Variants in GRIK4 observed in about 807,000 individuals in gnomAD.
GRIK4 encodes glutamate ionotropic receptor kainate type subunit 4, also known as glutamate receptor ionotropic, kainate 4.
GRIK4 carries 40 observed loss-of-function variants against 104.9 expected under a neutral mutation model. That is an observed-to-expected ratio of 0.38 (90% CI 0.30 to 0.50). The LOEUF (loss-of-function observed/expected upper bound fraction) is 0.50, where lower values mean the gene tolerates loss of function less well. Ranked by LOEUF, GRIK4 falls within the 20% of genes least tolerant of loss-of-function variation. The probability of loss-of-function intolerance (pLI) is 0.93; values close to 1 mark genes in which losing one functional copy is unlikely to be tolerated. For missense variants in GRIK4, 1,047 were observed against 1,308.1 expected, an observed-to-expected ratio of 0.80 and a Z score of 3.08; for synonymous variants, 485 against 524.9, an observed-to-expected ratio of 0.92 and a Z score of 1.04.
chr11:120,805,015 C>A (rs988932683), intron 4 of GRIK4, among the ~76,000 whole-genome samples: 1 of 152,152 alleles, frequency 6.6e-6, no homozygotes, highest in Non-Finnish European at 1.5e-5. Context: ...TTTATTCATT[C>A]GGTCAGTAAG....
At chr11:120,762,737 C>T (rs978469976) in intron 3 of GRIK4, among the ~76,000 whole-genome samples, 7 of 152,030 alleles carry the variant, frequency 4.6e-5, no homozygotes, top group African/African-American at 1.4e-4. Flanking sequence ...TGTTGGATTA[C>T]GTTTATTGAT....
At chr11:120,542,093 C>G (rs1455443769) in intron 1 of GRIK4, among the ~76,000 whole-genome samples, 1 of 152,152 alleles carries the variant, frequency 6.6e-6, no homozygotes, top group South Asian at 2.1e-4. Context: ...CAATATGGTA[C>G]TGGCATAAAA....
intron 3 of GRIK4, among the ~76,000 whole-genome samples, chr11:120,785,823 C>T (rs1388061707): frequency 6.6e-6 from 1 of 152,202 alleles, no homozygotes; most frequent in Non-Finnish European, 1.5e-5. Context: ...TGCGCATCCT[C>T]CTGGTGGCTC....
At chr11:120,598,022 T>G (rs1454766437) in intron 1 of GRIK4, among the ~76,000 whole-genome samples, 3 of 152,146 alleles carry the variant, frequency 2.0e-5, no homozygotes, top group Non-Finnish European at 4.4e-5. Flanking sequence ...AAAAACTAAG[T>G]GCCTCAGCGA....
At chr11:120,945,189 C>T (rs1290695931) in intron 14 of GRIK4, among the ~76,000 whole-genome samples, 2 of 152,194 alleles carry the variant, frequency 1.3e-5, no homozygotes, top group Non-Finnish European at 2.9e-5. Context: ...GGTTCACGCT[C>T]ATCTACCTGC....
intron 1 of GRIK4, among the ~76,000 whole-genome samples, chr11:120,633,758 C>G (rs1368858561): frequency 6.6e-6 from 1 of 152,116 alleles, no homozygotes; most frequent in Non-Finnish European, 1.5e-5. Context: ...TTCTCTGTCT[C>G]CCTGCTGCTA....
At chr11:120,914,319 A>G (rs1030423941) in intron 13 of GRIK4, among the ~76,000 whole-genome samples, 32 of 152,226 alleles carry the variant, frequency 2.1e-4, no homozygotes, top group African/African-American at 7.5e-4. Flanking sequence ...AGTGCTTCCT[A>G]TGGGCCAGGC....
In GRIK4 at chr11:120,952,367, G is replaced by A. The variant is rs1352961208; in HGVS notation, c.1591-488G>A. Among the ~76,000 whole-genome samples, 1 of 152,166 alleles carries A rather than the reference G, an allele frequency of 6.6e-6. No homozygotes were observed. The highest frequency in any genetic ancestry group is 2.4e-5 in the African/African-American group (1 of 41,422). On this transcript the variant is annotated intron_variant, in intron 14 of 20. Coordinates refer to ENST00000527524, the MANE Select transcript of GRIK4 (RefSeq NM_014619.5). This position sits in a 1 kb window ranked among gnomAD's most constrained non-coding sequence, Gnocchi z 5.2. ...CCCAGGACTGTTTTGAGGTTGACGG[G>A]GGAAGGTCTCACTGTGTGAGATCAC...
Position 120,986,358 on chromosome 11 carries a change from C to G in GRIK4, c.*98C>G, listed in dbSNP as rs369678635. 9.0e-6 allele frequency: 12 copies of G among 1,336,668 alleles called. No individual in the cohort carries two copies. The East Asian group carries it at 9.2e-5, about 10-fold the overall frequency. The allele number at this position is 1,336,668 out of a possible 1,614,324, so 82.8% of individuals were successfully genotyped here. On this transcript the variant is annotated 3_prime_UTR_variant, in exon 21 of 21. Coordinates refer to ENST00000527524, the MANE Select transcript of GRIK4 (RefSeq NM_014619.5). ...CCGCCAGCCGGAACTTGTACAGCGT[C>G]GACACCTCTCCAGATTTCGGATCCA... is the stretch of plus-strand genomic sequence containing the variant.
chr11:120,518,014 G>A (rs1947751689), intron 1 of GRIK4, among the ~76,000 whole-genome samples: 1 of 152,224 alleles, frequency 6.6e-6, no homozygotes, highest in African/African-American at 2.4e-5. Context: ...CTGGAGGCAG[G>A]GGAAGCCGGT....
chr11:120,743,999 G>A (rs573791488), intron 3 of GRIK4, among the ~76,000 whole-genome samples: 3 of 152,330 alleles, frequency 2.0e-5, no homozygotes, highest in African/African-American at 4.8e-5. Context: ...CCAGAGGGCC[G>A]TGACAGAATC....
intron 1 of GRIK4, among the ~76,000 whole-genome samples, chr11:120,612,952 A>AGT (rs994850270): frequency 2.6e-5 from 4 of 152,072 alleles, no homozygotes; most frequent in African/African-American, 4.8e-5. Flanking sequence ...TGCAAACCCG[A>AGT]GTGTGTGTGT....
intron 1 of GRIK4, among the ~76,000 whole-genome samples, chr11:120,642,633 TC>T (rs1024696403): frequency 2.0e-5 from 3 of 152,102 alleles, no homozygotes; most frequent in Non-Finnish European, 4.4e-5. Flanking sequence ...CCCCATCTTC[TC>T]CCTCTCCTTG....
chr11:120,915,139 G>A (rs866328379), intron 13 of GRIK4, among the ~76,000 whole-genome samples: 4 of 152,064 alleles, frequency 2.6e-5, no homozygotes, highest in African/African-American at 9.7e-5. Context: ...GCCACATAGC[G>A]ATCCCTGCAT....
intron 1 of GRIK4, among the ~76,000 whole-genome samples, chr11:120,522,653 A>T (rs1466505637): frequency 6.6e-6 from 1 of 152,094 alleles, no homozygotes; most frequent in Non-Finnish European, 1.5e-5. Flanking sequence ...CCTCCTTGGA[A>T]CCCCATTCCA....
chr11:120,555,629 C>G lies in GRIK4; in HGVS notation c.-159+43742C>G, dbSNP rs563549702. On this transcript the variant is annotated intron_variant, in intron 1 of 20. Transcript: ENST00000527524. This position sits in a 1 kb window ranked among gnomAD's most constrained non-coding sequence, Gnocchi z 5.3. Reference sequence around the variant, plus strand: ...GAGTTTCTTATCTGGCAAATGGGACCGAGACACATCCAATGCCCAGGTGGT... The same window carrying G: ...GAGTTTCTTATCTGGCAAATGGGACGGAGACACATCCAATGCCCAGGTGGT... 6.6e-6 allele frequency among the ~76,000 whole-genome samples: 1 copy of G among 152,132 alleles called. No individual in the cohort carries two copies. Among genetic ancestry groups the G allele is most frequent in the Non-Finnish European group, 1.5e-5 (1 of 68,030 alleles).
chr11:120,571,127 T>C (rs376328427), intron 1 of GRIK4, among the ~76,000 whole-genome samples: 3 of 152,186 alleles, frequency 2.0e-5, no homozygotes, highest in African/African-American at 7.2e-5. Context: ...CCCGGCTGTT[T>C]TCCTGGGACT....
At chr11:120,556,133 T>C (rs890183554) in intron 1 of GRIK4, among the ~76,000 whole-genome samples, 1 of 152,078 alleles carries the variant, frequency 6.6e-6, no homozygotes, top group Admixed American at 6.5e-5. Context: ...GAAGAGAAGA[T>C]GGCGGGGAGT....
chr11:120,849,212 GGTGCATCAGACT>G (rs1953922049), intron 8 of GRIK4, among the ~76,000 whole-genome samples: 1 of 151,968 alleles, frequency 6.6e-6, no homozygotes, highest in South Asian at 2.1e-4. Context: ...TTGGTGAGTG[GGTGCATCAGACT>G]GTGCATATAA....
Sources: allele counts gnomAD v4.1 joint callset (sites outside exome capture counted in the v4.1 genomes callset), GRCh38; gene constraint gnomAD v4.1.1; non-coding constraint Gnocchi (gnomAD v3.1); transcripts MANE v1.5; gene names NCBI Gene and HGNC (gene_info 2026-07-23, HGNC 2026-07-21).